The following ERGIC1 variants were observed in gnomAD, a reference collection of about 807,000 sequenced individuals.
ERGIC1 encodes the protein endoplasmic reticulum-Golgi intermediate compartment protein 1.
A neutral mutation model predicts 38.3 loss-of-function variants in ERGIC1; 19 were observed. That is an observed-to-expected ratio of 0.50 (90% CI 0.35 to 0.73). The LOEUF (loss-of-function observed/expected upper bound fraction) is 0.73. Ranked by LOEUF, ERGIC1 falls within the 30% of genes least tolerant of loss-of-function variation. The pLI is 0.01. For missense variants in ERGIC1, 294 were observed against 389.2 expected (o/e 0.76, Z 2.06); for synonymous variants, 124 against 157.6 (o/e 0.79, Z 1.60).
At chr5:172,859,392 C>T (rs747451543) in intron 1 of ERGIC1, among the ~76,000 whole-genome samples, 10 of 152,132 alleles carry the variant, frequency 6.6e-5, no homozygotes, top group East Asian at 5.8e-4. Flanking sequence ...CTCCCATGGC[C>T]GCCTCCTTAT....
chr5:172,908,621 T>C (rs10057984), intron 3 of ERGIC1, among the ~76,000 whole-genome samples: 92,342 of 151,670 alleles, frequency 0.61, 28,469 homozygotes, highest in Non-Finnish European at 0.67. Flanking sequence ...AGGGGGAAGC[T>C]GCTGGCTTTG....
At chr5:172,839,261 G>GGTA (rs139793978) in intron 1 of ERGIC1, among the ~76,000 whole-genome samples, 1 of 137,584 alleles carries the variant, frequency 7.3e-6, no homozygotes, top group South Asian at 2.3e-4. Flanking sequence ...AAAAAAAAAA[G>GGTA]TATATATATA....
intron 8 of ERGIC1, chr5:172,934,985 A>C: frequency 1.6e-6 from 1 of 632,022 alleles, no homozygotes; most frequent in Non-Finnish European, 2.7e-6. Flanking sequence ...AACCAAGGGT[A>C]TCAAAAATGC....
Position 172,926,179 on chromosome 5 carries a change from C to T in ERGIC1, c.481-330C>T, listed in dbSNP as rs1211739599. On this transcript the variant is annotated intron_variant, in intron 6 of 9. Coordinates refer to ENST00000393784, the MANE Select transcript of ERGIC1 (RefSeq NM_001031711.3). The surrounding 1 kb of genome is among the most constrained non-coding windows in gnomAD (Gnocchi z 5.2). ...TTCAGAGTTTAGCTTAGCCACTTAC[C>T]AGCCGGGCAAGTTTTGGTGTCTTTC... 6.6e-6 allele frequency among the ~76,000 whole-genome samples: 1 copy of T among 152,192 alleles called. No homozygotes were observed. Among genetic ancestry groups the T allele is most frequent in the Middle Eastern group, 3.2e-3 (1 of 316 alleles).
At chr5:172,877,459 T>TA (rs1554108825) in intron 1 of ERGIC1, among the ~76,000 whole-genome samples, 4,886 of 56,708 alleles carry the variant, frequency 0.086, 115 homozygotes, top group Non-Finnish European at 0.095. Flanking sequence ...TATATATATA[T>TA]TTTTTTTTTT....
At chr5:172,893,918 T>TATATATACACAC (rs1162989475) in intron 2 of ERGIC1, among the ~76,000 whole-genome samples, 2 of 82,932 alleles carry the variant, frequency 2.4e-5, no homozygotes, top group African/African-American at 9.2e-5. Flanking sequence ...TGTGTGTGTG[T>TATATATACACAC]GTGTGTGTGT....
intron 7 of ERGIC1, among the ~76,000 whole-genome samples, chr5:172,929,029 C>A (rs577919067): frequency 2.0e-5 from 3 of 152,254 alleles, no homozygotes; most frequent in Non-Finnish European, 1.5e-5. Flanking sequence ...AGAAACTTTC[C>A]TATATCAAAT....
intron 2 of ERGIC1, among the ~76,000 whole-genome samples, chr5:172,895,921 G>C (rs1762711273): frequency 6.6e-6 from 1 of 152,132 alleles, no homozygotes; most frequent in African/African-American, 2.4e-5. Flanking sequence ...TGGGGCACTT[G>C]TTATGTCCTG....
intron 1 of ERGIC1, among the ~76,000 whole-genome samples, chr5:172,868,981 C>T (rs1412480903): frequency 6.6e-6 from 1 of 152,238 alleles, no homozygotes; most frequent in Non-Finnish European, 1.5e-5. Flanking sequence ...CTGCACTCTG[C>T]GGGGGCTTCC....
intron 1 of ERGIC1, among the ~76,000 whole-genome samples, chr5:172,855,649 G>C (rs575481364): frequency 6.6e-6 from 1 of 152,366 alleles, no homozygotes; most frequent in African/African-American, 2.4e-5. Context: ...TTCAACTCAA[G>C]GCCTTAGTGA....
chr5:172,907,372 A>G (rs1236146226), intron 3 of ERGIC1, among the ~76,000 whole-genome samples: 2 of 152,276 alleles, frequency 1.3e-5, no homozygotes, highest in East Asian at 3.9e-4. Context: ...AGCCTGGCCA[A>G]CCTGGTGAAA....
At chr5:172,849,521 C>T (rs1761352209) in intron 1 of ERGIC1, among the ~76,000 whole-genome samples, 1 of 152,192 alleles carries the variant, frequency 6.6e-6, no homozygotes, top group Non-Finnish European at 1.5e-5. Context: ...ACTAAGACTT[C>T]AGAAAGCCCT....
chr5:172,935,173 T>C lies in ERGIC1; in HGVS notation c.643-15T>C, dbSNP rs77718424. 2.3e-3 allele frequency: 3,689 copies of C among 1,613,992 alleles called. 62 individuals carry two copies. The African/African-American group carries it at 0.043, about 19-fold the overall frequency. On this transcript the variant is annotated splice_polypyrimidine_tract_variant and intron_variant, in intron 8 of 9. Transcript: ENST00000393784. The stretch of plus-strand genomic sequence containing the variant: ...ACACAGTTTGTACTTCTGATTCTTA[T>C]ATCCTCTACCCCAGGAATACGTCGC...
At chr5:172,906,373 C>A (rs1348648606) in intron 3 of ERGIC1, among the ~76,000 whole-genome samples, 2 of 152,176 alleles carry the variant, frequency 1.3e-5, no homozygotes, top group Admixed American at 1.3e-4. Context: ...GAGCCTGTTC[C>A]CTGGTTTTAA....
chr5:172,849,113 G>A (rs568299182), intron 1 of ERGIC1, among the ~76,000 whole-genome samples: 2 of 152,306 alleles, frequency 1.3e-5, no homozygotes, highest in Non-Finnish European at 1.5e-5. Flanking sequence ...AATGGAGACC[G>A]AGAGAAGTTG....
chr5:172,940,091 G>A (rs769881205), intron 9 of ERGIC1, among the ~76,000 whole-genome samples: 20 of 152,270 alleles, frequency 1.3e-4, no homozygotes, highest in Middle Eastern at 3.4e-3. Flanking sequence ...TGGCGGCTGC[G>A]GGGCTGGGAG....
At chr5:172,836,796 A>G (rs1197107953) in intron 1 of ERGIC1, among the ~76,000 whole-genome samples, 2 of 152,306 alleles carry the variant, frequency 1.3e-5, no homozygotes, top group South Asian at 2.1e-4. Context: ...CTGGCACGCA[A>G]GGAGCATCTA....
intron 3 of ERGIC1, among the ~76,000 whole-genome samples, chr5:172,905,847 G>A (rs114465330): frequency 0.034 from 5,136 of 152,254 alleles, 84 homozygotes; most frequent in South Asian, 0.087. Context: ...CGAATGCCTG[G>A]GTTTATATCC....
At chr5:172,898,113 G>C in intron 3 of ERGIC1, 1 of 382,344 alleles carries the variant, frequency 2.6e-6, no homozygotes, top group Non-Finnish European at 4.6e-6. Context: ...CACGGAGCTC[G>C]GCCCTGGCCA....
Sources: gnomAD v4.1 joint callset for allele counts (sites outside exome capture counted in the v4.1 genomes callset) on GRCh38, gnomAD v4.1.1 for gene constraint, Gnocchi (gnomAD v3.1) non-coding constraint, MANE v1.5 for transcripts, NCBI Gene and HGNC (gene_info 2026-07-23, HGNC 2026-07-21) for gene names.